MUSK: variants seen among roughly 807,000 people sequenced by gnomAD.
The protein encoded by MUSK is muscle, skeletal receptor tyrosine-protein kinase.
MUSK carries 55 observed loss-of-function variants against 88.7 expected under a neutral mutation model. The ratio of observed to expected loss-of-function variants is 0.62; its 90% CI spans 0.50 to 0.78. The LOEUF is 0.78. Ranked by LOEUF, MUSK falls within the 30% of genes least tolerant of loss-of-function variation. The pLI is 0.00. For missense variants in MUSK, 1,015 were observed against 1,074.3 expected (o/e 0.94, Z 0.77); for synonymous variants, 387 against 391.9 (o/e 0.99, Z 0.15).
intron 11 of MUSK, among the ~76,000 whole-genome samples, chr9:110,779,076 G>GTGTGTC (rs1289597214): frequency 6.6e-6 from 1 of 151,788 alleles, no homozygotes; most frequent in East Asian, 1.9e-4. Flanking sequence ...GTGTGTGTGT[G>GTGTGTC]TGTGTGTCTG....
intron 5 of MUSK, among the ~76,000 whole-genome samples, chr9:110,727,881 A>G (rs938733946): frequency 5.9e-5 from 9 of 152,126 alleles, no homozygotes; most frequent in Non-Finnish European, 1.3e-4. Context: ...AACTCTAAGA[A>G]AGGTTCAAAT....
chr9:110,679,218 T>C (rs574249106), intron 1 of MUSK, among the ~76,000 whole-genome samples: 1 of 152,202 alleles, frequency 6.6e-6, no homozygotes, highest in East Asian at 1.9e-4. Context: ...CATTTCTCCA[T>C]GTACTCTTGT....
chr9:110,689,884 A>C (rs184247297), intron 3 of MUSK, among the ~76,000 whole-genome samples: 1,622 of 95,926 alleles, frequency 0.017, 54 homozygotes, highest in African/African-American at 0.071. Context: ...ATATATATTT[A>C]AATATAAATT....
intron 7 of MUSK, among the ~76,000 whole-genome samples, chr9:110,758,672 CAT>C (rs2077359468): frequency 6.6e-6 from 1 of 152,114 alleles, no homozygotes; most frequent in African/African-American, 2.4e-5. Context: ...TAGAAAACCC[CAT>C]AGTCTCTGCC....
intron 5 of MUSK, among the ~76,000 whole-genome samples, chr9:110,697,690 A>C (rs554508414): frequency 6.6e-6 from 1 of 152,324 alleles, no homozygotes; most frequent in South Asian, 2.1e-4. Flanking sequence ...GATTACTCAC[A>C]ATCACTGGTA....
In MUSK at chr9:110,767,853, C is replaced by A. The variant is rs968145791; in HGVS notation, c.954C>A (p.Ala318=). The A allele has an allele frequency of 3.7e-6, 6 of 1,613,846 alleles. No individual in the cohort carries two copies. Among genetic ancestry groups the A allele is most frequent in the Non-Finnish European group, 5.1e-6 (6 of 1,179,890 alleles). ...AGAAAGATAACAAAGGCTACTGCGC[C>A]CAGTACAGAGGGGAGGTGTGTAATG... The part of the protein sequence containing the change: ...KPQKDNKGYC[A]QYRGEVCNAV... Residue 318 remains alanine, a synonymous_variant, in exon 9 of 15, where the codon GCC becomes GCA. Coordinates refer to ENST00000374448, the MANE Select transcript of MUSK (RefSeq NM_005592.4).
intron 5 of MUSK, among the ~76,000 whole-genome samples, chr9:110,702,034 T>C (rs894306779): frequency 2.7e-5 from 4 of 150,792 alleles, no homozygotes; most frequent in Non-Finnish European, 5.9e-5. Context: ...TGAGCTACCA[T>C]GCCCAGCCAT....
chr9:110,730,081 C>T (rs1029672254), intron 5 of MUSK, among the ~76,000 whole-genome samples: 1 of 152,052 alleles, frequency 6.6e-6, no homozygotes, highest in Non-Finnish European at 1.5e-5. Context: ...TTGCTGGCTT[C>T]TTGAGCCCAA....
At chr9:110,727,367 A>G (rs770137815) in intron 5 of MUSK, 2 of 152,056 alleles carry the variant, frequency 1.3e-5, no homozygotes, top group Non-Finnish European at 2.9e-5. Context: ...TGTCCGGAAA[A>G]TGGGCTAATT....
At chr9:110,701,679 TTTTTAC>T (rs1564230228) in intron 5 of MUSK, among the ~76,000 whole-genome samples, 1 of 3,806 alleles carries the variant, frequency 2.6e-4, no homozygotes. Flanking sequence ...TATTTTATTT[TTTTTAC>T]TTTACTTTAT....
chr9:110,674,444 C>T (rs898059986), intron 1 of MUSK, among the ~76,000 whole-genome samples: 3 of 152,068 alleles, frequency 2.0e-5, no homozygotes, highest in East Asian at 1.9e-4. Context: ...TGCAAACCTG[C>T]GGAAGACAAA....
chr9:110,757,554 C>T lies in MUSK; in HGVS notation c.914-4648C>T, dbSNP rs556380662. On this transcript the variant is annotated intron_variant, in intron 7 of 14. Coordinates refer to ENST00000374448, the MANE Select transcript of MUSK (RefSeq NM_005592.4). Reference sequence around the variant, plus strand: ...TTTTTGTATTGCTAATACTTTATCACATATAGGGAATCATGAGATTGTTAC... The same window carrying T: ...TTTTTGTATTGCTAATACTTTATCATATATAGGGAATCATGAGATTGTTAC... Among the ~76,000 whole-genome samples the T allele has an allele frequency of 8.6e-5, 13 of 151,370 alleles. No homozygotes were observed. The South Asian group carries it at 2.7e-3, about 32-fold the overall frequency.
intron 5 of MUSK, among the ~76,000 whole-genome samples, chr9:110,726,953 T>A (rs1359798028): frequency 6.6e-6 from 1 of 152,080 alleles, no homozygotes; most frequent in East Asian, 1.9e-4. Flanking sequence ...AATGTCCAGA[T>A]GACCAGTTTT....
At chr9:110,690,282 A>ATTT (rs1299847797) in intron 3 of MUSK, among the ~76,000 whole-genome samples, 2 of 105,742 alleles carry the variant, frequency 1.9e-5, no homozygotes, top group African/African-American at 3.8e-5. Context: ...ACAAATATAT[A>ATTT]AATATATATA....
At chr9:110,740,313 T>C (rs1007130180) in intron 6 of MUSK, among the ~76,000 whole-genome samples, 1 of 152,152 alleles carries the variant, frequency 6.6e-6, no homozygotes, top group Non-Finnish European at 1.5e-5. Flanking sequence ...GTCAAGGTGC[T>C]ATCAGGGTTG....
chr9:110,693,132 G>A (rs547446658), intron 3 of MUSK, among the ~76,000 whole-genome samples: 5 of 152,128 alleles, frequency 3.3e-5, no homozygotes, highest in African/African-American at 1.2e-4. Context: ...AAATAATGAA[G>A]ACTTCATTCT....
rs572516872 is a variant in MUSK at position 110,750,788 on chromosome 9, G to A, written c.913+2988G>A. ...TTGGAGTAAGGGATCCCTGTGGGGTGTTTTACTTATAGCATCCTAAATAAG... is the reference window on the plus strand; with the variant it reads ...TTGGAGTAAGGGATCCCTGTGGGGTATTTTACTTATAGCATCCTAAATAAG... On this transcript the variant is annotated intron_variant, in intron 7 of 14. Coordinates refer to ENST00000374448, the MANE Select transcript of MUSK (RefSeq NM_005592.4). Among the ~76,000 whole-genome samples, 18 of 152,254 alleles carry A rather than the reference G, an allele frequency of 1.2e-4. No individual in the cohort carries two copies. The South Asian group carries it at 3.5e-3, about 30-fold the overall frequency.
In MUSK at chr9:110,787,847, A is replaced by G; in HGVS notation, c.1927+9A>G. The G allele has an allele frequency of 1.9e-6, 3 of 1,606,434 alleles. No homozygotes were observed. Among genetic ancestry groups the G allele is most frequent in the Non-Finnish European group, 2.6e-6 (3 of 1,175,964 alleles). ...CATTGTGAAGCTATTAGGTATGAAA[A>G]TACAAGTGAGGATATGTATTTCATC... On this transcript the variant is annotated intron_variant, in intron 14 of 14. Coordinates refer to ENST00000374448, the MANE Select transcript of MUSK (RefSeq NM_005592.4).
rs1335114069 is a variant in MUSK at position 110,681,050 on chromosome 9, T to TATATTATATAA, written c.80-1624_80-1623insATATTATATAA. Among the ~76,000 whole-genome samples the TATATTATATAA allele has an allele frequency of 6.9e-4, 15 of 21,682 alleles. 1 individual carries two copies. The highest frequency in any genetic ancestry group is 6.1e-3 in the South Asian group (7 of 1,148). The allele number at this position is 21,682 out of a possible 152,430, so 14.2% of individuals were successfully genotyped here. A position where few individuals can be genotyped will look rare whatever the true frequency, so the allele number is the denominator to read the frequency against. ...TATATTATATATTATATAATATATA[T>TATATTATATAA]TATATATTATATATATAATATTATA... On this transcript the variant is annotated intron_variant, in intron 1 of 14. Transcript: ENST00000374448.
Sources: gnomAD v4.1 joint callset for allele counts (sites outside exome capture counted in the v4.1 genomes callset) on GRCh38, gnomAD v4.1.1 for gene constraint, MANE v1.5 for transcripts, NCBI Gene and HGNC (gene_info 2026-07-23, HGNC 2026-07-21) for gene names.